The following DOCK11 variants were observed in gnomAD, a reference collection of about 807,000 sequenced individuals.
DOCK11 encodes the protein dedicator of cytokinesis 11.
Under a neutral mutation model 169.1 loss-of-function variants are expected in DOCK11, and 70 were observed. The observed-to-expected ratio is 0.41, with a 90% confidence interval of 0.34 to 0.51. The LOEUF is 0.51. Ranked by LOEUF, DOCK11 falls within the 20% of genes least tolerant of loss-of-function variation. The pLI, the probability that DOCK11 is intolerant of heterozygous loss-of-function variation, is 0.10. For synonymous variants in DOCK11, 529 were observed against 541.3 expected (o/e 0.98, Z 0.32); for missense variants, 1,166 against 1,538.8 (o/e 0.76, Z 4.05).
At chrX:118,678,110 A>C (rs754526727) in intron 48 of DOCK11, among the ~76,000 whole-genome samples, 3 of 112,844 alleles carry the variant, frequency 2.7e-5, no homozygotes, top group South Asian at 3.6e-4. Context: ...TTGTGAAAAT[A>C]AAAATTAAAA....
intron 37 of DOCK11, among the ~76,000 whole-genome samples, 158 bp downstream of exon 37, chrX:118,638,285 G>A (rs1001589225): frequency 3.2e-4 from 36 of 112,046 alleles, no homozygotes; most frequent in African/African-American, 1.0e-3. Context: ...AAACGAATGG[G>A]AACTTTTACA....
At chrX:118,684,932 C>T (rs1603195186) in intron 52 of DOCK11, among the ~76,000 whole-genome samples, 2 of 111,635 alleles carry the variant, frequency 1.8e-5, no homozygotes, top group East Asian at 5.6e-4. Context: ...ACTTGAGAAC[C>T]AAGTATTGAA....
intron 23 of DOCK11, among the ~76,000 whole-genome samples, chrX:118,602,254 T>A (rs2014367357): frequency 9.1e-6 from 1 of 109,908 alleles, no homozygotes; most frequent in Non-Finnish European, 1.9e-5. Flanking sequence ...TTCCTATAAA[T>A]GACATTGTTT....
rs866505136 is a variant in DOCK11 at position 118,681,312 on chromosome X, C to A, written c.5862+64C>A. 2.2e-5 allele frequency: 22 copies of A among 991,639 alleles called. No homozygotes were observed. The Middle Eastern group carries it at 3.2e-3, about 144-fold the overall frequency. 81.7% of individuals were successfully genotyped at this position (991,639 alleles called of 1,213,427 possible). A position where few individuals can be genotyped will look rare whatever the true frequency, so the allele number is the denominator to read the frequency against. The stretch of plus-strand genomic sequence containing the variant: ...TGTTTCTTTTGGTTTTATAAGGGCA[C>A]AGAGCAAGCATTAATTGTAATTATG... On this transcript the variant is annotated intron_variant, in intron 50 of 52. Coordinates refer to ENST00000276202, the MANE Select transcript of DOCK11 (RefSeq NM_144658.4).
intron 35 of DOCK11, 21 bp from the exon 36 acceptor site, chrX:118,636,325 C>T: frequency 9.6e-7 from 1 of 1,037,459 alleles, no homozygotes; most frequent in Non-Finnish European, 1.3e-6. Flanking sequence ...AGATCTAACA[C>T]TTTATTTATT....
At chrX:118,578,424 C>A in intron 12 of DOCK11, 101 bp from the exon 13 acceptor site, 1 of 953,552 alleles carries the variant, frequency 1.0e-6, no homozygotes, top group Non-Finnish European at 1.5e-6. Context: ...GGACATGATC[C>A]TTTGTTGAAT....
At chrX:118,508,746 T>C (rs1406445162) in intron 1 of DOCK11, among the ~76,000 whole-genome samples, 1 of 112,300 alleles carries the variant, frequency 8.9e-6, no homozygotes, top group Non-Finnish European at 1.9e-5. Flanking sequence ...CTTGCTCCTC[T>C]ACTCCTAGTG....
intron 44 of DOCK11, among the ~76,000 whole-genome samples, chrX:118,661,191 G>A (rs1345759698): frequency 9.4e-6 from 1 of 106,107 alleles, no homozygotes; most frequent in Non-Finnish European, 1.9e-5. Flanking sequence ...CCTAGGTGAC[G>A]GGGTAACACT....
At position 118,545,195 on chromosome X, in the gene DOCK11, G is replaced by A. The variant is rs986771933; in HGVS notation, c.393-128G>A. 3 of 414,262 alleles carry A rather than the reference G, an allele frequency of 7.2e-6. No homozygotes were observed. In the East Asian group the frequency reaches 1.3e-4, roughly 18 times the overall value. The allele number at this position is 414,262 out of a possible 1,213,427, so 34.1% of individuals were successfully genotyped here. On this transcript the variant is annotated intron_variant, in intron 4 of 52. Transcript: ENST00000276202. The stretch of plus-strand genomic sequence containing the variant: ...GAATAGGATGTCTTGGCATTTTCTC[G>A]TTTGTGAAAGAAAGAAATCTGCTCA...
intron 46 of DOCK11, 145 bp downstream of exon 46, chrX:118,671,290 CAT>C (rs2016464851): frequency 6.3e-6 from 3 of 479,743 alleles, no homozygotes; most frequent in Non-Finnish European, 9.5e-6. Context: ...TGCATTTTAT[CAT>C]AGAGTATAGT....
Position 118,654,617 on chromosome X carries a change from G to T in DOCK11, c.4711G>T (p.Ala1571Ser), listed in dbSNP as rs139362247. The T allele has an allele frequency of 5.0e-6, 6 of 1,208,526 alleles. No homozygotes were observed. In the Admixed American group the frequency reaches 6.6e-5, roughly 13 times the overall value. Residue 1571 changes from alanine to serine, a missense_variant, in exon 43 of 53, where the codon GCA becomes TCA. Transcript: ENST00000276202. ...TTGAAATTAGGCAACTGCCTTTCCC[G>T]CAGAAGTCAAAGACTTGACCAAGAG... ...DRPMKATAFP[A>S]EVKDLTKRIR...
At chrX:118,526,920 A>T (rs2011389004) in intron 1 of DOCK11, among the ~76,000 whole-genome samples, 1 of 112,146 alleles carries the variant, frequency 8.9e-6, no homozygotes, top group Non-Finnish European at 1.9e-5. Context: ...ATATGTAAGC[A>T]GCAGTGAAGT....
intron 44 of DOCK11, among the ~76,000 whole-genome samples, chrX:118,656,850 T>C (rs1244220296): frequency 9.0e-6 from 1 of 110,796 alleles, no homozygotes; most frequent in Non-Finnish European, 1.9e-5. Context: ...CAGGAGCGCT[T>C]GAACCCAGGA....
chrX:118,573,603 A>C (rs181985390), intron 11 of DOCK11, among the ~76,000 whole-genome samples: 1 of 112,164 alleles, frequency 8.9e-6, no homozygotes, highest in Non-Finnish European at 1.9e-5. Context: ...ACGGAAGTTA[A>C]AATTTGATGA....
chrX:118,537,119 T>C (rs985125020), intron 1 of DOCK11, among the ~76,000 whole-genome samples: 15 of 112,292 alleles, frequency 1.3e-4, no homozygotes, highest in African/African-American at 4.5e-4. Context: ...ATTGAGGCTG[T>C]AGTCTGACTG....
chrX:118,543,822 C>T (rs907735618), intron 4 of DOCK11, among the ~76,000 whole-genome samples: 11 of 111,326 alleles, frequency 9.9e-5, no homozygotes, highest in Non-Finnish European at 1.5e-4. Flanking sequence ...TGGTGGCAGG[C>T]GCCTGTAGTC....
chrX:118,616,537 T>TG (rs1209076446), intron 30 of DOCK11, among the ~76,000 whole-genome samples: 1 of 110,002 alleles, frequency 9.1e-6, no homozygotes, highest in Admixed American at 9.7e-5. Flanking sequence ...GTTTTTTTTT[T>TG]GTTTTTGTTT....
chrX:118,628,994 C>T (rs1490269549), intron 34 of DOCK11, among the ~76,000 whole-genome samples: 2 of 111,717 alleles, frequency 1.8e-5, no homozygotes, highest in East Asian at 5.6e-4. Context: ...CACTTTGTCT[C>T]CTATATCATG....
At chrX:118,561,650 C>T (rs2012914918) in intron 7 of DOCK11, 133 bp downstream of exon 7, 2 of 651,664 alleles carry the variant, frequency 3.1e-6, no homozygotes, top group Non-Finnish European at 4.3e-6. Flanking sequence ...AGGAGGATCG[C>T]TTGAGCCTAG....
Sources: gnomAD v4.1 joint callset for allele counts (sites outside exome capture counted in the v4.1 genomes callset) on GRCh38, gnomAD v4.1.1 for gene constraint, MANE v1.5 for transcripts, NCBI Gene and HGNC (gene_info 2026-07-23, HGNC 2026-07-21) for gene names.